ADAMTS18: variants seen among roughly 807,000 people sequenced by gnomAD.
ADAMTS18 encodes A disintegrin and metalloproteinase with thrombospondin motifs 18.
ADAMTS18 carries 157 observed loss-of-function variants against 165.9 expected under a neutral mutation model. The ratio of observed to expected loss-of-function variants is 0.95; its 90% CI spans 0.83 to 1.08. The LOEUF (loss-of-function observed/expected upper bound fraction) is 1.08. ADAMTS18 is among the 50% of genes least tolerant of loss of function. ADAMTS18 has a pLI of 0.00. For synonymous variants in ADAMTS18, 782 were observed against 578.2 expected (o/e 1.35, Z -5.06); for missense variants, 2,040 against 1,534.0 (o/e 1.33, Z -5.51).
chr16:77,390,687 C>G (rs2057174350), intron 3 of ADAMTS18, among the ~76,000 whole-genome samples: 1 of 142,142 alleles, frequency 7.0e-6, no homozygotes. Context: ...AAGACTCCAT[C>G]TCAAAAAAAA....
chr16:77,321,573 G>C (rs274519), intron 14 of ADAMTS18, among the ~76,000 whole-genome samples: 113,666 of 151,996 alleles, frequency 0.75, 42,792 homozygotes, highest in African/African-American at 0.84. Flanking sequence ...AAAGATCAAA[G>C]GGCTCAAACT....
rs2055180468 is a variant in ADAMTS18 at position 77,283,125 on chromosome 16, G to C, written c.*831C>G. 6.6e-6 allele frequency: 1 copy of C among 152,394 alleles called. No homozygotes were observed. The allele number at this position is 152,394 out of a possible 1,614,324, so 9.4% of individuals were successfully genotyped here. On this transcript the variant is annotated 3_prime_UTR_variant, in exon 23 of 23. Transcript: ENST00000282849. ...TTTAAATACCAGAAATGGGTATGTA[G>C]CATTCCCAAAGAGCGGGCTGTAGCT...
chr16:77,379,304 G>A (rs1205822491), intron 3 of ADAMTS18, among the ~76,000 whole-genome samples: 1 of 152,188 alleles, frequency 6.6e-6, no homozygotes, highest in Non-Finnish European at 1.5e-5. Context: ...CTGAAAAGCA[G>A]CAACAATCTC....
intron 10 of ADAMTS18, among the ~76,000 whole-genome samples, chr16:77,348,783 G>T (rs1308170311): frequency 2.0e-5 from 3 of 152,130 alleles, no homozygotes; most frequent in Non-Finnish European, 4.4e-5. Context: ...TTATAAAAGG[G>T]ACACATAAGC....
In ADAMTS18 at chr16:77,300,411, A is replaced by G. The variant is rs1240677966; in HGVS notation, c.2533-7T>C. ...TTTTGCCTTGCATCAGAATCTGGAC[A>G]GTGTAAGATAAAAATCAGAGATCAA... On this transcript the variant is annotated splice_region_variant and splice_polypyrimidine_tract_variant and intron_variant, in intron 16 of 22. Coordinates refer to ENST00000282849, the MANE Select transcript of ADAMTS18 (RefSeq NM_199355.4). 4.3e-6 allele frequency: 7 copies of G among 1,614,086 alleles called. No homozygotes were observed. Among genetic ancestry groups the G allele is most frequent in the Non-Finnish European group, 5.9e-6 (7 of 1,179,950 alleles).
At chr16:77,292,893 C>T (rs1567457037) in intron 20 of ADAMTS18, 183 bp downstream of exon 20, 9 of 602,248 alleles carry the variant, frequency 1.5e-5, no homozygotes, top group Non-Finnish European at 2.6e-5. Context: ...AATCTCAGCT[C>T]ACTGCAAACT....
chr16:77,336,252 C>T (rs966864709), intron 11 of ADAMTS18, among the ~76,000 whole-genome samples: 4 of 152,060 alleles, frequency 2.6e-5, no homozygotes, highest in Non-Finnish European at 5.9e-5. Context: ...CACTGAGAGA[C>T]AACACTACTT....
At chr16:77,293,904 T>C (rs1040424892) in intron 19 of ADAMTS18, among the ~76,000 whole-genome samples, 1 of 151,704 alleles carries the variant, frequency 6.6e-6, no homozygotes, top group Non-Finnish European at 1.5e-5. Context: ...CCCAGTTCCT[T>C]ACAGACCACA....
chr16:77,421,084 T>C (rs2057596332), intron 3 of ADAMTS18, among the ~76,000 whole-genome samples: 1 of 152,258 alleles, frequency 6.6e-6, no homozygotes, highest in African/African-American at 2.4e-5. Context: ...GTGCACTACA[T>C]AATTTATATT....
At chr16:77,349,256 C>T (rs541875908) in intron 10 of ADAMTS18, among the ~76,000 whole-genome samples, 1 of 152,044 alleles carries the variant, frequency 6.6e-6, no homozygotes, top group Non-Finnish European at 1.5e-5. Flanking sequence ...CTGTCTCCCC[C>T]TTTCGGTTCC....
At chr16:77,390,368 T>C (rs370136341) in intron 3 of ADAMTS18, among the ~76,000 whole-genome samples, 14 of 136,294 alleles carry the variant, frequency 1.0e-4, no homozygotes, top group African/African-American at 3.3e-4. Context: ...AGAAGAGCCA[T>C]TGGTCTCACT....
chr16:77,298,294 T>G (rs1212795076), intron 17 of ADAMTS18, among the ~76,000 whole-genome samples: 1 of 152,148 alleles, frequency 6.6e-6, no homozygotes, highest in Non-Finnish European at 1.5e-5. Context: ...GGGGCATATA[T>G]TTTTTTAAAA....
At chr16:77,319,782 C>T in intron 16 of ADAMTS18, 67 bp downstream of exon 16, 5 of 1,611,316 alleles carry the variant, frequency 3.1e-6, no homozygotes, top group Non-Finnish European at 4.2e-6. Context: ...AGTTCTGGCT[C>T]AAATTGCAGT....
chr16:77,338,742 AG>A (rs767415536), intron 11 of ADAMTS18, among the ~76,000 whole-genome samples: 17 of 151,824 alleles, frequency 1.1e-4, no homozygotes, highest in Non-Finnish European at 2.4e-4. Flanking sequence ...TCACATGGTC[AG>A]GAGACCGAGA....
chr16:77,418,927 G>A (rs2057564949), intron 3 of ADAMTS18, among the ~76,000 whole-genome samples: 4 of 152,286 alleles, frequency 2.6e-5, no homozygotes, highest in African/African-American at 9.6e-5. Flanking sequence ...CAGGCAGGTG[G>A]ATCACAAGGT....
intron 7 of ADAMTS18, 44 bp from the exon 8 acceptor site, chr16:77,359,467 C>A (rs561712954): frequency 1.3e-6 from 2 of 1,492,716 alleles, no homozygotes; most frequent in Admixed American, 1.8e-5. Flanking sequence ...AGGTTGCACA[C>A]ACAGATACAT....
At chr16:77,372,979 C>T (rs1055829402) in intron 3 of ADAMTS18, among the ~76,000 whole-genome samples, 2 of 152,202 alleles carry the variant, frequency 1.3e-5, no homozygotes, top group Non-Finnish European at 2.9e-5. Flanking sequence ...CCAGCTTTAT[C>T]TGTCCTCTCT....
chr16:77,358,196 T>C lies in ADAMTS18; in HGVS notation c.1322+1122A>G, dbSNP rs76644713. Among the ~76,000 whole-genome samples the C allele has an allele frequency of 5.0e-3, 760 of 152,324 alleles. 10 individuals carry two copies. The highest frequency in any genetic ancestry group is 0.018 in the African/African-American group (738 of 41,586). On this transcript the variant is annotated intron_variant, in intron 8 of 22. Transcript: ENST00000282849. ...GTGTCTAAATGTGTGTGTGTGTGTA[T>C]AATAATGTTGGAAATTTGTTGGATA...
chr16:77,380,671 T>A (rs984510555), intron 3 of ADAMTS18, among the ~76,000 whole-genome samples: 1 of 152,224 alleles, frequency 6.6e-6, no homozygotes, highest in African/African-American at 2.4e-5. Flanking sequence ...TGCTTCAGCA[T>A]TTATAAATTA....
Sources: allele counts gnomAD v4.1 joint callset (sites outside exome capture counted in the v4.1 genomes callset), GRCh38; gene constraint gnomAD v4.1.1; transcripts MANE v1.5; gene names NCBI Gene and HGNC (gene_info 2026-07-23, HGNC 2026-07-21).